ST3GAL5: variants seen among roughly 807,000 people sequenced by gnomAD.
ST3GAL5 encodes the protein ST3 beta-galactoside alpha-2,3-sialyltransferase 5, also known as lactosylceramide alpha-2,3-sialyltransferase.
Under a neutral mutation model 46.1 loss-of-function variants are expected in ST3GAL5, and 25 were observed. The observed-to-expected ratio is 0.54, with a 90% CI of 0.40 to 0.76. The LOEUF (loss-of-function observed/expected upper bound fraction) is 0.76. Ranked by LOEUF, ST3GAL5 falls within the 30% of genes least tolerant of loss-of-function variation. The pLI, the probability that ST3GAL5 is intolerant of heterozygous loss-of-function variation, is 0.00. For synonymous variants in ST3GAL5, 182 were observed against 192.7 expected (o/e 0.94, Z 0.46); for missense variants, 431 against 521.2 (o/e 0.83, Z 1.69).
At chr2:85,851,838 T>A in intron 3 of ST3GAL5, 2 of 606,578 alleles carry the variant, frequency 3.3e-6, no homozygotes, top group Non-Finnish European at 5.0e-6. Context: ...AGCTGGTGAC[T>A]CTCTCGTAAA....
chr2:85,866,019 CTTGGGTTTT>C (rs1360327554), intron 1 of ST3GAL5: 18 of 152,210 alleles, frequency 1.2e-4, no homozygotes, highest in Admixed American at 1.2e-3. Flanking sequence ...CATTCGGATT[CTTGGGTTTT>C]TAGGCAGCAG....
intron 4 of ST3GAL5, chr2:85,847,385 A>G (rs1489498911): frequency 8.0e-6 from 8 of 997,564 alleles, no homozygotes; most frequent in Non-Finnish European, 8.4e-6. Flanking sequence ...CACTTACTGT[A>G]GCCAGCAGCA....
intron 4 of ST3GAL5, 78 bp downstream of exon 4, chr2:85,847,783 G>A (rs1682985003): frequency 6.5e-7 from 1 of 1,532,538 alleles, no homozygotes; most frequent in South Asian, 1.2e-5. Context: ...CAACAGGAGT[G>A]AGACCCTGCC....
intron 1 of ST3GAL5, among the ~76,000 whole-genome samples, chr2:85,869,486 G>T (rs1457325203): frequency 6.6e-6 from 1 of 151,662 alleles, no homozygotes; most frequent in Non-Finnish European, 1.5e-5. Flanking sequence ...AGCTACGATT[G>T]AAATTTAAGC....
intron 3 of ST3GAL5, chr2:85,848,636 TA>T (rs1683114668): frequency 5.9e-6 from 2 of 336,400 alleles, no homozygotes; most frequent in South Asian, 5.0e-5. Flanking sequence ...TGACCTGACT[TA>T]TATGAGGTAT....
At chr2:85,886,218 T>G (rs1178246225) in intron 1 of ST3GAL5, among the ~76,000 whole-genome samples, 1 of 152,144 alleles carries the variant, frequency 6.6e-6, no homozygotes, top group Non-Finnish European at 1.5e-5. Context: ...AGTTTGAGGC[T>G]AGGAGTTGCC....
Position 85,837,633 on chromosome 2 carries a change from C to T in ST3GAL5, c.*2511G>A, listed in dbSNP as rs539935805. The T allele has an allele frequency of 6.6e-6, 1 of 152,310 alleles. No individual in the cohort carries two copies. Among genetic ancestry groups the T allele is most frequent in the East Asian group, 1.9e-4 (1 of 5,188 alleles). The allele number at this position is 152,310 out of a possible 1,614,324, so 9.4% of individuals were successfully genotyped here. On this transcript the variant is annotated 3_prime_UTR_variant, in exon 7 of 7. Coordinates refer to ENST00000638572, the MANE Select transcript of ST3GAL5 (RefSeq NM_003896.4). ...TAATGTGACAGATATCCCAGTTACA[C>T]AGATTTGCTCCTTATAATTACACAA...
chr2:85,875,597 T>A (rs772253503), intron 1 of ST3GAL5: 2 of 152,274 alleles, frequency 1.3e-5, no homozygotes, highest in Admixed American at 6.5e-5. Context: ...ACTCAATTGA[T>A]GCTAATATGT....
At chr2:85,854,152 T>G (rs895195249) in intron 3 of ST3GAL5, 1 of 151,750 alleles carries the variant, frequency 6.6e-6, no homozygotes, top group Non-Finnish European at 1.5e-5. Context: ...TTACTTGAAT[T>G]TTTGGTGTTT....
At position 85,863,332 on chromosome 2, in the gene ST3GAL5, G is replaced by C. The variant is rs200725475; in HGVS notation, c.206+30C>G. ...TTCTACACAGTTGACCCAAAGCAGG[G>C]GGATCTACAGTCCCAGGGGCGGTAC... is the stretch of plus-strand genomic sequence containing the variant. On this transcript the variant is annotated intron_variant, in intron 2 of 6. Coordinates refer to ENST00000638572, the MANE Select transcript of ST3GAL5 (RefSeq NM_003896.4). The C allele has an allele frequency of 2.4e-5, 39 of 1,613,412 alleles. No homozygotes were observed. In the East Asian group the frequency reaches 7.1e-4, roughly 30 times the overall value.
chr2:85,851,194 T>C lies in ST3GAL5; in HGVS notation c.319-2990A>G. ...CCTTCCAAAGTTCTGGGATTATAGA[T>C]GTGAGCCACCACGCCCAGCCCAAAC... On this transcript the variant is annotated intron_variant, in intron 3 of 6. Transcript: ENST00000638572. 3 of 1,008,558 alleles carry C rather than the reference T, an allele frequency of 3.0e-6. No homozygotes were observed. The South Asian group carries it at 1.1e-4, about 36-fold the overall frequency. The allele number at this position is 1,008,558 out of a possible 1,614,324, so 62.5% of individuals were successfully genotyped here.
chr2:85,873,707 C>T (rs1686201652), intron 1 of ST3GAL5, among the ~76,000 whole-genome samples: 1 of 152,124 alleles, frequency 6.6e-6, no homozygotes, highest in Non-Finnish European at 1.5e-5. Flanking sequence ...GCTGCCAGGT[C>T]GGTAAATCCC....
At chr2:85,868,883 T>G (rs1424486448) in intron 1 of ST3GAL5, among the ~76,000 whole-genome samples, 3 of 152,080 alleles carry the variant, frequency 2.0e-5, no homozygotes, top group African/African-American at 7.2e-5. Flanking sequence ...CCTCCCGAAG[T>G]GCTGGGATTA....
chr2:85,867,540 C>T lies in ST3GAL5; in HGVS notation c.83-4055G>A, dbSNP rs962389125. On this transcript the variant is annotated intron_variant, in intron 1 of 6. Transcript: ENST00000638572. ...TGGGCAGGCATATGCAAACCCACCC[C>T]CAAAGGCCAAGGAAGAGGCTGACGA... The T allele has an allele frequency of 1.4e-5, 11 of 779,176 alleles. No individual in the cohort carries two copies. In the Admixed American group the frequency reaches 1.9e-4, roughly 13 times the overall value. The allele number at this position is 779,176 out of a possible 1,614,324, so 48.3% of individuals were successfully genotyped here. A position where few individuals can be genotyped will look rare whatever the true frequency, so the allele number is the denominator to read the frequency against.
chr2:85,880,839 A>G (rs78503799), intron 1 of ST3GAL5: 1 of 499,508 alleles, frequency 2.0e-6, no homozygotes, highest in Non-Finnish European at 3.9e-6. Flanking sequence ...AAAAAAAAAA[A>G]CTCTCATAAT....
At chr2:85,880,984 C>G (rs991985275) in intron 1 of ST3GAL5, 3 of 504,368 alleles carry the variant, frequency 5.9e-6, no homozygotes, top group Non-Finnish European at 1.2e-5. Context: ...CAAATCTCAA[C>G]TTGAATTGTA....
In ST3GAL5 at chr2:85,839,903, A is replaced by C. The variant is rs545258121; in HGVS notation, c.*241T>G. Reference sequence around the variant, plus strand: ...TCGTTACATACAATTCTCTTTGAGAAGTCTTTCCAATTCAATTCTTAAGTT... The same window carrying C: ...TCGTTACATACAATTCTCTTTGAGACGTCTTTCCAATTCAATTCTTAAGTT... On this transcript the variant is annotated 3_prime_UTR_variant, in exon 7 of 7. Coordinates refer to ENST00000638572, the MANE Select transcript of ST3GAL5 (RefSeq NM_003896.4). 1.8e-6 allele frequency: 1 copy of C among 560,660 alleles called. No homozygotes were observed. Among genetic ancestry groups the C allele is most frequent in the South Asian group, 2.1e-5 (1 of 48,532 alleles). 34.7% of individuals were successfully genotyped at this position (560,660 alleles called of 1,614,324 possible).
chr2:85,844,795 G>C, intron 5 of ST3GAL5: 1 of 567,760 alleles, frequency 1.8e-6, no homozygotes, highest in South Asian at 2.0e-5. Flanking sequence ...TGCAGAACCA[G>C]CTTGTATTTG....
At chr2:85,855,109 AC>A (rs1205173581) in intron 3 of ST3GAL5, 1 of 152,254 alleles carries the variant, frequency 6.6e-6, no homozygotes, top group Non-Finnish European at 1.5e-5. Flanking sequence ...CTTTGTCCCC[AC>A]CCAAATCTCA....
Sources: allele counts gnomAD v4.1 joint callset (sites outside exome capture counted in the v4.1 genomes callset), GRCh38; gene constraint gnomAD v4.1.1; transcripts MANE v1.5; gene names NCBI Gene and HGNC (gene_info 2026-07-23, HGNC 2026-07-21).